Variants in OPCML observed in about 807,000 individuals in gnomAD.
The protein encoded by OPCML is opioid binding protein/cell adhesion molecule like.
Under a neutral mutation model 37.8 loss-of-function variants are expected in OPCML, and 13 were observed. That is an observed-to-expected ratio of 0.34 (90% confidence interval 0.22 to 0.55). The LOEUF (loss-of-function observed/expected upper bound fraction) is 0.55. Ranked by LOEUF, OPCML falls within the 20% of genes least tolerant of loss-of-function variation. The pLI, the probability that OPCML is intolerant of heterozygous loss-of-function variation, is 0.91. For missense variants in OPCML, 341 were observed against 435.6 expected, an observed-to-expected ratio of 0.78 and a Z score of 1.93; for synonymous variants, 176 against 168.8, an observed-to-expected ratio of 1.04 and a Z score of -0.33.
At chr11:133,010,110 C>T (rs2136871861) in intron 1 of OPCML, among the ~76,000 whole-genome samples, 1 of 152,272 alleles carries the variant, frequency 6.6e-6, no homozygotes, top group East Asian at 1.9e-4. Context: ...CTGTCCTGTC[C>T]ACTCTTCAAG....
At chr11:132,515,539 C>T (rs2096277786) in intron 4 of OPCML, among the ~76,000 whole-genome samples, 3 of 152,308 alleles carry the variant, frequency 2.0e-5, no homozygotes, top group African/African-American at 7.2e-5. Flanking sequence ...AAATCAACTG[C>T]TTTTACTTCA....
At chr11:133,359,449 A>G (rs1944365658) in intron 1 of OPCML, among the ~76,000 whole-genome samples, 1 of 152,228 alleles carries the variant, frequency 6.6e-6, no homozygotes, top group Admixed American at 6.5e-5. Flanking sequence ...TAGTGCTGAC[A>G]TCAGTGAGCG....
intron 2 of OPCML, among the ~76,000 whole-genome samples, chr11:132,903,166 T>C (rs903850757): frequency 1.1e-4 from 17 of 152,002 alleles, no homozygotes; most frequent in South Asian, 8.3e-4. Context: ...GATAAATTTG[T>C]TATGGCATTT....
At chr11:133,143,382 C>T (rs562822862) in intron 1 of OPCML, among the ~76,000 whole-genome samples, 63 of 152,298 alleles carry the variant, frequency 4.1e-4, no homozygotes, top group Non-Finnish European at 8.2e-4. Context: ...CTCTCCCATT[C>T]TCTATGGGGT....
intron 3 of OPCML, among the ~76,000 whole-genome samples, chr11:132,579,504 C>G (rs1591579028): frequency 6.6e-6 from 1 of 151,800 alleles, no homozygotes; most frequent in Non-Finnish European, 1.5e-5. Context: ...GGGCAAGTGG[C>G]AATGTAACTG....
rs77088492 is a variant in OPCML, at chr11:132,551,294, T to A, written c.380-22108A>T. ...ATTGTAATTGAGACAGTGAAAGAGA[T>A]CTAACCTAAGCAACTCCATCTGGCT... On this transcript the variant is annotated intron_variant, in intron 3 of 7. Coordinates refer to ENST00000524381, the MANE Select transcript of OPCML (RefSeq NM_001012393.5). Among the ~76,000 whole-genome samples the A allele has an allele frequency of 7.9e-4, 120 of 152,314 alleles. No homozygotes were observed. The East Asian group carries it at 0.021, about 27-fold the overall frequency.
chr11:133,100,283 T>C (rs1949067252), intron 1 of OPCML, among the ~76,000 whole-genome samples: 1 of 152,146 alleles, frequency 6.6e-6, no homozygotes, highest in Admixed American at 6.6e-5. Context: ...AATTTACGCA[T>C]GTAAAAAATC....
At chr11:132,681,281 CT>C (rs1942930557) in intron 2 of OPCML, among the ~76,000 whole-genome samples, 1 of 152,206 alleles carries the variant, frequency 6.6e-6, no homozygotes. Context: ...CAAATGTTGC[CT>C]TTTCCAAAAC....
rs566234233 is a variant in OPCML, at chr11:133,099,592, T to A, written c.62-156582A>T. On this transcript the variant is annotated intron_variant, in intron 1 of 7. Coordinates refer to ENST00000524381, the MANE Select transcript of OPCML (RefSeq NM_001012393.5). ...ATGAGCCACCTCGCCTGGCCTGATT[T>A]TTTAATAACAGCCATTCTGACCTGG... Among the ~76,000 whole-genome samples, 157 of 152,162 alleles carry A rather than the reference T, an allele frequency of 1.0e-3. 3 individuals are homozygous for A. The South Asian group carries it at 0.031, about 30-fold the overall frequency.
At chr11:133,390,232 GA>G (rs951565447) in intron 1 of OPCML, among the ~76,000 whole-genome samples, 3 of 152,214 alleles carry the variant, frequency 2.0e-5, no homozygotes, top group African/African-American at 7.2e-5. Flanking sequence ...GGCCGAGGCG[GA>G]CGGATCACGA....
intron 2 of OPCML, among the ~76,000 whole-genome samples, chr11:132,882,638 T>C (rs531904166): frequency 1.3e-5 from 2 of 152,110 alleles, no homozygotes; most frequent in South Asian, 4.1e-4. Flanking sequence ...GGTATCAAGA[T>C]GAACAAGAAC....
chr11:132,617,547 C>T (rs565102205), intron 3 of OPCML, among the ~76,000 whole-genome samples: 3 of 152,220 alleles, frequency 2.0e-5, no homozygotes, highest in African/African-American at 7.2e-5. Flanking sequence ...TAGACATTGA[C>T]TTCACTTTCT....
intron 3 of OPCML, among the ~76,000 whole-genome samples, chr11:132,621,435 T>C (rs545514648): frequency 1.4e-4 from 21 of 152,278 alleles, no homozygotes; most frequent in African/African-American, 4.3e-4. Context: ...AAATAGATTA[T>C]GGAATCTGTA....
chr11:132,896,632 C>A (rs1591769503), intron 2 of OPCML, among the ~76,000 whole-genome samples: 1 of 152,342 alleles, frequency 6.6e-6, no homozygotes, highest in African/African-American at 2.4e-5. Context: ...GATATATCAA[C>A]TCGCCAGCTT....
At chr11:132,470,371 AT>A (rs1032175549) in intron 4 of OPCML, among the ~76,000 whole-genome samples, 3 of 152,078 alleles carry the variant, frequency 2.0e-5, no homozygotes, top group East Asian at 3.9e-4. Context: ...TGACACCTAG[AT>A]TTTTTTCTAT....
chr11:132,983,213 C>A (rs1317345901), intron 1 of OPCML, among the ~76,000 whole-genome samples: 2 of 152,160 alleles, frequency 1.3e-5, no homozygotes, highest in Non-Finnish European at 2.9e-5. Flanking sequence ...GCCCGGTGAC[C>A]TTTCCCAAGC....
chr11:133,142,429 T>C (rs1949836947), intron 1 of OPCML, among the ~76,000 whole-genome samples: 1 of 152,254 alleles, frequency 6.6e-6, no homozygotes. Flanking sequence ...GCCTAAACTC[T>C]GCTCAAGACA....
In OPCML at chr11:132,632,737, C is replaced by T. The variant is rs528262200; in HGVS notation, c.379+24350G>A. ...AGATATGTATCTATTCTGTCATATC[C>T]GCCTTTCAGTTGTCACATAGCCAAA... On this transcript the variant is annotated intron_variant, in intron 3 of 7. Transcript: ENST00000524381. Among the ~76,000 whole-genome samples, 11 of 152,106 alleles carry T rather than the reference C, an allele frequency of 7.2e-5. No homozygotes were observed. The East Asian group carries it at 7.8e-4, about 11-fold the overall frequency.
chr11:133,436,003 CAT>C (rs1276862061), intron 1 of OPCML, among the ~76,000 whole-genome samples: 1 of 152,152 alleles, frequency 6.6e-6, no homozygotes, highest in Non-Finnish European at 1.5e-5. Flanking sequence ...CCAAAATACA[CAT>C]GTGCATTCTC....
Sources: gnomAD v4.1 joint callset for allele counts (sites outside exome capture counted in the v4.1 genomes callset) on GRCh38, gnomAD v4.1.1 for gene constraint, MANE v1.5 for transcripts, NCBI Gene and HGNC (gene_info 2026-07-23, HGNC 2026-07-21) for gene names.